PIP4K2B: variants seen among roughly 807,000 people sequenced by gnomAD.
The protein encoded by PIP4K2B is phosphatidylinositol-5-phosphate 4-kinase type 2 beta.
Under a neutral mutation model 42.0 loss-of-function variants are expected in PIP4K2B, and 3 were observed. The observed-to-expected ratio is 0.07, with a 90% CI of 0.03 to 0.18. The LOEUF (loss-of-function observed/expected upper bound fraction) is 0.18, where lower values mean the gene tolerates loss of function less well. PIP4K2B is among the 10% of genes least tolerant of loss of function. The pLI is 1.00. For synonymous variants in PIP4K2B, 204 were observed against 210.1 expected (o/e 0.97, Z 0.25); for missense variants, 332 against 562.3 (o/e 0.59, Z 4.14).
At chr17:38,775,094 C>T (rs1909262212) in intron 7 of PIP4K2B, among the ~76,000 whole-genome samples, 2 of 151,900 alleles carry the variant, frequency 1.3e-5, no homozygotes, top group South Asian at 2.1e-4. Flanking sequence ...GGACTACAGG[C>T]GCCCACCACC....
Position 38,786,939 on chromosome 17 carries a change from G to T in PIP4K2B, c.160-19C>A. 6.4e-7 allele frequency: 1 copy of T among 1,559,452 alleles called. No homozygotes were observed. Among genetic ancestry groups the T allele is most frequent in the Non-Finnish European group, 8.8e-7 (1 of 1,130,134 alleles). On this transcript the variant is annotated intron_variant, in intron 1 of 9. Coordinates refer to ENST00000619039, the MANE Select transcript of PIP4K2B (RefSeq NM_003559.5). ...CATTGATCTGAAAAGCAAGGAGAAC[G>T]TAAGGCTCTCAGCCAGGAGGCCACC... is the stretch of plus-strand genomic sequence containing the variant.
At chr17:38,791,091 C>G (rs228307) in intron 1 of PIP4K2B, among the ~76,000 whole-genome samples, 2 of 152,222 alleles carry the variant, frequency 1.3e-5, no homozygotes, top group Middle Eastern at 3.4e-3. Flanking sequence ...ACCCTGACAC[C>G]CTCAAAGTCA....
rs774791687 is a variant in PIP4K2B, at chr17:38,769,658, A to C, written c.*33T>G. 2 of 1,259,812 alleles carry C rather than the reference A, an allele frequency of 1.6e-6. No homozygotes were observed. Among genetic ancestry groups the C allele is most frequent in the African/African-American group, 2.9e-5 (2 of 68,012 alleles). 78.0% of individuals were successfully genotyped at this position (1,259,812 alleles called of 1,614,324 possible). ...ACTCCCGATCCCCGACCCCATATCC[A>C]GCTCTCTGGCTCTGGCTGAAGGTAG... On this transcript the variant is annotated 3_prime_UTR_variant, in exon 10 of 10. Coordinates refer to ENST00000619039, the MANE Select transcript of PIP4K2B (RefSeq NM_003559.5).
intron 7 of PIP4K2B, among the ~76,000 whole-genome samples, chr17:38,774,314 GAAGA>G (rs1909197471): frequency 6.6e-6 from 1 of 152,176 alleles, no homozygotes; most frequent in African/African-American, 2.4e-5. Context: ...GGCCTGAAGA[GAAGA>G]AAAAGGGTGA....
intron 1 of PIP4K2B, among the ~76,000 whole-genome samples, chr17:38,789,532 G>A (rs539615524): frequency 6.6e-6 from 1 of 152,316 alleles, no homozygotes; most frequent in South Asian, 2.1e-4. Context: ...TGAGGCCCCA[G>A]GTGGCAGTGA....
intron 9 of PIP4K2B, 87 bp from the exon 10 acceptor site, chr17:38,769,858 C>G (rs1908910538): frequency 3.2e-6 from 4 of 1,241,364 alleles, no homozygotes; most frequent in Non-Finnish European, 4.8e-6. Flanking sequence ...TATTCAGAAG[C>G]CTCTTACTCA....
At chr17:38,794,315 G>T (rs1014246163) in intron 1 of PIP4K2B, among the ~76,000 whole-genome samples, 1 of 151,904 alleles carries the variant, frequency 6.6e-6, no homozygotes, top group Non-Finnish European at 1.5e-5. Flanking sequence ...GTTGCCAGGG[G>T]CTGGGGGCGG....
intron 7 of PIP4K2B, chr17:38,776,031 C>T (rs1292291712): frequency 4.5e-6 from 2 of 448,962 alleles, no homozygotes; most frequent in East Asian, 7.1e-5. Context: ...ACATGTTGCC[C>T]AAGCTGGAGG....
chr17:38,769,836 G>A, intron 9 of PIP4K2B, 65 bp from the exon 10 acceptor site: 35 of 1,449,672 alleles, frequency 2.4e-5, no homozygotes, highest in Non-Finnish European at 3.4e-5. Flanking sequence ...CTGCACATGG[G>A]GGGAGCCAGG....
Position 38,768,414 on chromosome 17 carries a change from C to T in PIP4K2B, c.*1277G>A, listed in dbSNP as rs1908819954. The T allele has an allele frequency of 6.5e-6, 1 of 152,920 alleles. No individual in the cohort carries two copies. The highest frequency in any genetic ancestry group is 6.5e-5 in the Admixed American group (1 of 15,292). The allele number at this position is 152,920 out of a possible 1,614,324, so 9.5% of individuals were successfully genotyped here. A position where few individuals can be genotyped will look rare whatever the true frequency, so the allele number is the denominator to read the frequency against. ...AGAGCGGGGCAACAAGGAAAAACAG[C>T]CCCAAGGCTGAGGCCAGGTCAAAAC... On this transcript the variant is annotated 3_prime_UTR_variant, in exon 10 of 10. Transcript: ENST00000619039.
At chr17:38,773,982 C>T (rs368265695) in intron 7 of PIP4K2B, among the ~76,000 whole-genome samples, 7 of 152,142 alleles carry the variant, frequency 4.6e-5, no homozygotes, top group African/African-American at 1.7e-4. Flanking sequence ...AGACTCAGGA[C>T]AAATAATGTC....
At chr17:38,775,587 G>A (rs1262848944) in intron 7 of PIP4K2B, among the ~76,000 whole-genome samples, 1 of 152,128 alleles carries the variant, frequency 6.6e-6, no homozygotes, top group East Asian at 2.0e-4. Context: ...GCCAGGTGTG[G>A]TGGCTCACGC....
chr17:38,787,589 A>G (rs549133066), intron 1 of PIP4K2B, among the ~76,000 whole-genome samples: 1 of 152,050 alleles, frequency 6.6e-6, no homozygotes, highest in African/African-American at 2.4e-5. Flanking sequence ...TATATTATTT[A>G]TCTTTCTTTT....
chr17:38,777,635 T>C (rs1909436584), intron 7 of PIP4K2B, 52 bp downstream of exon 7: 3 of 1,152,842 alleles, frequency 2.6e-6, no homozygotes, highest in Admixed American at 1.7e-5. Flanking sequence ...AAGAGGCGCC[T>C]ACTCTAGGTA....
Position 38,780,551 on chromosome 17 carries a change from G to A in PIP4K2B, c.408C>T (p.Gly136=), listed in dbSNP as rs146937767. 3.1e-6 allele frequency: 5 copies of A among 1,613,632 alleles called. No individual in the cohort carries two copies. The African/African-American group carries it at 6.7e-5, about 22-fold the overall frequency. Residue 136 remains glycine (G), a synonymous_variant, in exon 4 of 10, where the codon GGC becomes GGT. Transcript: ENST00000619039. ...PINSDSQGRC[G]TRFLTTYDRR... is the part of the protein sequence containing the mutation. ...GGTCGTAGGTGGTGAGGAAACGCGT[G>A]CCACACCGACCCTGGCTGTCACTGT... is the stretch of plus-strand genomic sequence containing the variant.
chr17:38,771,945 G>A (rs1368145100), intron 7 of PIP4K2B, among the ~76,000 whole-genome samples: 9 of 152,268 alleles, frequency 5.9e-5, no homozygotes, highest in South Asian at 2.1e-4. Flanking sequence ...TGGGAGGATC[G>A]CGTGAGCCCA....
intron 4 of PIP4K2B, among the ~76,000 whole-genome samples, chr17:38,780,231 TGG>T (rs1909620564): frequency 2.0e-5 from 3 of 152,226 alleles, no homozygotes; most frequent in African/African-American, 7.2e-5. Flanking sequence ...ACTTTCCAAC[TGG>T]GAGTCAGTCA....
chr17:38,788,507 A>T (rs562742408), intron 1 of PIP4K2B, among the ~76,000 whole-genome samples: 2 of 151,906 alleles, frequency 1.3e-5, no homozygotes, highest in Admixed American at 1.3e-4. Context: ...GCTGTAATAG[A>T]TTAAAGTGAG....
chr17:38,789,660 G>A (rs77540885), intron 1 of PIP4K2B, among the ~76,000 whole-genome samples: 3,009 of 152,294 alleles, frequency 0.02, 41 homozygotes, highest in Non-Finnish European at 0.029. Context: ...AGAGAATGGA[G>A]GAAGTTCAAG....
Sources: gnomAD v4.1 joint callset for allele counts (sites outside exome capture counted in the v4.1 genomes callset) on GRCh38, gnomAD v4.1.1 for gene constraint, MANE v1.5 for transcripts, NCBI Gene and HGNC (gene_info 2026-07-23, HGNC 2026-07-21) for gene names.